The following ZC3H18 variants were observed in gnomAD, a reference collection of about 807,000 sequenced individuals.
ZC3H18 encodes the protein zinc finger CCCH domain-containing protein 18.
ZC3H18 carries 8 observed loss-of-function variants against 106.1 expected under a neutral mutation model. The observed-to-expected ratio is 0.08, with a 90% CI of 0.04 to 0.14. ZC3H18 has a LOEUF of 0.14. Among genes scored for constraint, ZC3H18 ranks in the 10% least tolerant of loss-of-function variants. ZC3H18 has a pLI of 1.00. For synonymous variants in ZC3H18, 635 were observed against 522.1 expected (o/e 1.22, Z -2.95); for missense variants, 1,318 against 1,278.4 (o/e 1.03, Z -0.47).
At chr16:88,570,673 C>T (rs1179916769) in intron 1 of ZC3H18, 107 bp downstream of exon 1, 1 of 150,942 alleles carries the variant, frequency 6.6e-6, no homozygotes, top group Non-Finnish European at 1.5e-5. Context: ...GGGAGCCCGG[C>T]GCGCCTCCGG....
At chr16:88,630,448 A>G in intron 16 of ZC3H18, 37 bp from the exon 17 acceptor site, 1 of 1,573,030 alleles carries the variant, frequency 6.4e-7, no homozygotes, top group Non-Finnish European at 8.7e-7. Flanking sequence ...TTCCCTGTAC[A>G]TCAGGAGGGT....
intron 8 of ZC3H18, among the ~76,000 whole-genome samples, chr16:88,617,631 G>A (rs1459273579): frequency 6.6e-6 from 1 of 152,246 alleles, no homozygotes; most frequent in African/African-American, 2.4e-5. Context: ...GTTTACCTTT[G>A]CAGCTTTGGG....
chr16:88,586,807 AGGTGGTGGT>A lies in ZC3H18; in HGVS notation c.688+147_688+155del, dbSNP rs113134808. The A allele has an allele frequency of 6.9e-3, 3,423 of 493,918 alleles. 39 individuals carry two copies. Among genetic ancestry groups the A allele is most frequent in the Non-Finnish European group, 0.011 (2,913 of 260,086 alleles). 30.6% of individuals were successfully genotyped at this position (493,918 alleles called of 1,614,324 possible). On this transcript the variant is annotated intron_variant, in intron 3 of 17. Coordinates refer to ENST00000301011, the MANE Select transcript of ZC3H18 (RefSeq NM_144604.4). ...GGCAGTTCTCTGGGCATTACTGGCT[AGGTGGTGGT>A]GGTGGTGGTGGTGGTGGTGGTGGCA... is the stretch of plus-strand genomic sequence containing the variant.
At chr16:88,602,517 G>A (rs556989219) in intron 6 of ZC3H18, among the ~76,000 whole-genome samples, 2 of 152,340 alleles carry the variant, frequency 1.3e-5, no homozygotes, top group South Asian at 4.1e-4. Flanking sequence ...CAGGAAGACT[G>A]AGTCTGAAAC....
intron 2 of ZC3H18, among the ~76,000 whole-genome samples, chr16:88,578,123 T>C (rs764829988): frequency 6.6e-6 from 1 of 152,240 alleles, no homozygotes; most frequent in Non-Finnish European, 1.5e-5. Flanking sequence ...GTTTCCACTC[T>C]TGTCAGGTTT....
intron 2 of ZC3H18, among the ~76,000 whole-genome samples, chr16:88,578,826 G>C (rs1166683702): frequency 6.6e-6 from 1 of 152,166 alleles, no homozygotes; most frequent in South Asian, 2.1e-4. Flanking sequence ...GAGTAGCTGG[G>C]ATTACAGGCG....
chr16:88,573,746 CCT>C (rs1398315786), intron 1 of ZC3H18, among the ~76,000 whole-genome samples: 1 of 151,902 alleles, frequency 6.6e-6, no homozygotes, highest in African/African-American at 2.4e-5. Context: ...TCCCAGTAGT[CCT>C]GTCTCTGGAT....
chr16:88,625,464 A>AC, intron 13 of ZC3H18, 197 bp downstream of exon 13: 1 of 575,772 alleles, frequency 1.7e-6, no homozygotes, highest in Admixed American at 3.2e-5. Flanking sequence ...TGATAGGAAG[A>AC]CCCCCTCCCC....
intron 7 of ZC3H18, among the ~76,000 whole-genome samples, 175 bp from the exon 8 acceptor site, chr16:88,611,093 A>G (rs1254794681): frequency 2.0e-5 from 3 of 152,140 alleles, no homozygotes; most frequent in Non-Finnish European, 4.4e-5. Flanking sequence ...TCTGTACTCC[A>G]CCGCAGAGAG....
At position 88,622,177 on chromosome 16, in the gene ZC3H18, T is replaced by C; in HGVS notation, c.1476-20T>C. 6.2e-7 allele frequency: 1 copy of C among 1,602,464 alleles called. No individual in the cohort carries two copies. The highest frequency in any genetic ancestry group is 1.1e-5 in the South Asian group (1 of 90,368). ...AAGCGGAAGGTGGCCTGAGAGTTGC[T>C]AATGCCTCTGTAATTTCAGCCGCCA... On this transcript the variant is annotated intron_variant, in intron 8 of 17. Transcript: ENST00000301011.
rs554561467 is a variant in ZC3H18, at chr16:88,574,868, C to T, written c.-14-2242C>T. ...TTTTTGAGACGGAGTCTCGCTCTGT[C>T]GCCCAGGCTGGAGTGCAATGGCGCG... On this transcript the variant is annotated intron_variant, in intron 1 of 17. Coordinates refer to ENST00000301011, the MANE Select transcript of ZC3H18 (RefSeq NM_144604.4). Among the ~76,000 whole-genome samples the T allele has an allele frequency of 4.2e-5, 6 of 142,414 alleles. No homozygotes were observed. The East Asian group carries it at 6.2e-4, about 15-fold the overall frequency. The allele number at this position is 142,414 out of a possible 152,430, so 93.4% of individuals were successfully genotyped here. A position where few individuals can be genotyped will look rare whatever the true frequency, so the allele number is the denominator to read the frequency against.
At chr16:88,610,519 C>T (rs1905221481) in intron 7 of ZC3H18, among the ~76,000 whole-genome samples, 1 of 152,224 alleles carries the variant, frequency 6.6e-6, no homozygotes. Context: ...GATCCCTTTC[C>T]ACTGCGTTCC....
rs1175305088 is a variant in ZC3H18 at position 88,611,327 on chromosome 16, G to C, written c.1266G>C (p.Glu422Asp). The C allele has an allele frequency of 6.5e-6, 5 of 764,688 alleles. No individual in the cohort carries two copies. The highest frequency in any genetic ancestry group is 1.4e-5 in the South Asian group (1 of 69,004). 47.4% of individuals were successfully genotyped at this position (764,688 alleles called of 1,614,324 possible). A position where few individuals can be genotyped will look rare whatever the true frequency, so the allele number is the denominator to read the frequency against. The change falls in exon 8 of 18, where the codon GAG becomes GAC. Residue 422 changes from glutamate to aspartate, a missense_variant. Transcript: ENST00000301011. ...AGCGCGAGCGCGAGCGGGAGCGGGA[G>C]CGGGACCGAGAGCGGGAGCGCCGGC... ...NRQRERERER[E>D]RDRERERRQR...
At chr16:88,609,373 C>T (rs1049699459) in intron 7 of ZC3H18, 25 of 182,362 alleles carry the variant, frequency 1.4e-4, no homozygotes, top group African/African-American at 5.7e-4. Context: ...TCTCGGCTCA[C>T]TGCAACCTCT....
At chr16:88,601,608 T>TGGCTCCC (rs1213335430) in intron 6 of ZC3H18, among the ~76,000 whole-genome samples, 1 of 152,130 alleles carries the variant, frequency 6.6e-6, no homozygotes, top group African/African-American at 2.4e-5. Flanking sequence ...AGCTGGCTCC[T>TGGCTCCC]GGCTCCCTAG....
intron 3 of ZC3H18, among the ~76,000 whole-genome samples, chr16:88,593,235 A>G (rs1244140295): frequency 4.6e-5 from 7 of 152,104 alleles, no homozygotes; most frequent in Non-Finnish European, 7.4e-5. Context: ...CGTCAGAAGG[A>G]AGGTCACCTG....
intron 2 of ZC3H18, among the ~76,000 whole-genome samples, chr16:88,579,729 G>A (rs1016957078): frequency 6.6e-6 from 1 of 152,172 alleles, no homozygotes; most frequent in Non-Finnish European, 1.5e-5. Context: ...GTTGAAAACG[G>A]AGTGCTGCTG....
At chr16:88,602,614 G>T (rs759299355) in intron 6 of ZC3H18, among the ~76,000 whole-genome samples, 18 of 152,236 alleles carry the variant, frequency 1.2e-4, no homozygotes, top group Non-Finnish European at 2.5e-4. Flanking sequence ...ACCATTGATT[G>T]TAAGTAATTC....
chr16:88,578,407 C>T (rs1172551938), intron 2 of ZC3H18, among the ~76,000 whole-genome samples: 5 of 152,096 alleles, frequency 3.3e-5, no homozygotes, highest in Admixed American at 1.3e-4. Context: ...CAGTTGATGC[C>T]GTTGGAAAAA....
Sources: gnomAD v4.1 joint callset for allele counts (sites outside exome capture counted in the v4.1 genomes callset) on GRCh38, gnomAD v4.1.1 for gene constraint, MANE v1.5 for transcripts, NCBI Gene and HGNC (gene_info 2026-07-23, HGNC 2026-07-21) for gene names.